Variants in ADCY5 observed in about 807,000 individuals in gnomAD.
ADCY5 encodes adenylate cyclase 5.
Under a neutral mutation model 119.7 loss-of-function variants are expected in ADCY5, and 30 were observed. That is an observed-to-expected ratio of 0.25 (90% CI 0.19 to 0.34). The LOEUF is 0.34. ADCY5 is among the 10% of genes least tolerant of loss of function. ADCY5 has a pLI of 1.00. For synonymous variants in ADCY5, 753 were observed against 762.2 expected (o/e 0.99, Z 0.20); for missense variants, 1,324 against 1,775.2 (o/e 0.75, Z 4.57).
chr3:123,332,292 G>A (rs760372355), intron 4 of ADCY5, among the ~76,000 whole-genome samples: 15 of 151,566 alleles, frequency 9.9e-5, no homozygotes, highest in African/African-American at 3.4e-4. Flanking sequence ...CGCTTCCAAG[G>A]ATGGGGGGCA....
At chr3:123,379,577 G>A (rs560590408) in intron 1 of ADCY5, among the ~76,000 whole-genome samples, 107 of 152,240 alleles carry the variant, frequency 7.0e-4, no homozygotes, top group African/African-American at 2.4e-3. Context: ...GCTGTGAAGT[G>A]CAGGGAGCAG....
chr3:123,428,684 T>A (rs142921678), intron 1 of ADCY5, among the ~76,000 whole-genome samples: 88 of 152,328 alleles, frequency 5.8e-4, no homozygotes, highest in African/African-American at 1.8e-3. Flanking sequence ...ATAACGTCAA[T>A]CTGTTCTCCC....
chr3:123,352,311 C>T lies in ADCY5; in HGVS notation c.1284+121G>A. 1.5e-6 allele frequency: 2 copies of T among 1,311,376 alleles called. No individual in the cohort carries two copies. The highest frequency in any genetic ancestry group is 2.0e-6 in the Non-Finnish European group (2 of 983,460). The allele number at this position is 1,311,376 out of a possible 1,614,324, so 81.2% of individuals were successfully genotyped here. On this transcript the variant is annotated intron_variant, in intron 2 of 20. Coordinates refer to ENST00000462833, the MANE Select transcript of ADCY5 (RefSeq NM_183357.3). The surrounding 1 kb of genome is among the most constrained non-coding windows in gnomAD (Gnocchi z 4.8). ...GAAACATTCCCCATGGGTTGGTCCC[C>T]TCCCGGGGAGTGGGGCTGGCAGCCG...
chr3:123,448,365 C>T lies in ADCY5; in HGVS notation c.181G>A (p.Val61Met). 6.7e-7 allele frequency: 1 copy of T among 1,495,884 alleles called. No individual in the cohort carries two copies. Among genetic ancestry groups the T allele is most frequent in the Non-Finnish European group, 8.8e-7 (1 of 1,133,820 alleles). 92.7% of individuals were successfully genotyped at this position (1,495,884 alleles called of 1,614,324 possible). ...RGSTKKPGGAVTPQQQQRLAS... is the reference protein window; with the variant it reads ...RGSTKKPGGAMTPQQQQRLAS... ...AGGCGCTGCTGCTGCTGCGGGGTCA[C>T]CGCCCCCCCGGGTTTCTTGGTGGAG... Residue 61 changes from valine to methionine, a missense_variant, in exon 1 of 21, where the codon GTG (valine) becomes ATG (methionine). By Grantham distance (21) the Val-to-Met change is conservative. Transcript: ENST00000462833.
chr3:123,319,033 C>T (rs148694374), intron 10 of ADCY5, among the ~76,000 whole-genome samples: 241 of 152,312 alleles, frequency 1.6e-3, no homozygotes, highest in Non-Finnish European at 2.1e-3. Flanking sequence ...ATGCACCGAA[C>T]GCCTACTATG....
intron 1 of ADCY5, among the ~76,000 whole-genome samples, chr3:123,401,425 G>T (rs1944749586): frequency 6.6e-6 from 1 of 152,168 alleles, no homozygotes. Flanking sequence ...AAAATGAGAG[G>T]GAAGGGCCAT....
At position 123,325,488 on chromosome 3, in the gene ADCY5, G is replaced by A. The variant is rs746253544; in HGVS notation, c.1948-26C>T. On this transcript the variant is annotated intron_variant, in intron 7 of 20. Transcript: ENST00000462833. Reference sequence around the variant, plus strand: ...CTGGAAGACGAACACAGAGATGGGGGGAGATGAGGAGTCCAAGCGGAGGGC... The same window carrying A: ...CTGGAAGACGAACACAGAGATGGGGAGAGATGAGGAGTCCAAGCGGAGGGC... 2.0e-5 allele frequency: 32 copies of A among 1,610,818 alleles called. No homozygotes were observed. In the African/African-American group the frequency reaches 2.8e-4, roughly 14 times the overall value.
chr3:123,352,392 C>G lies in ADCY5; in HGVS notation c.1284+40G>C. ...CTCAGCTGAGGTACATCTCAGGGCT[C>G]GACTCCGTCCCACTGTGCAAGGGCA... On this transcript the variant is annotated intron_variant, in intron 2 of 20. Transcript: ENST00000462833. This position sits in a 1 kb window ranked among gnomAD's most constrained non-coding sequence, Gnocchi z 4.8. 2 of 1,576,536 alleles carry G rather than the reference C, an allele frequency of 1.3e-6. No homozygotes were observed. The highest frequency in any genetic ancestry group is 1.7e-6 in the Non-Finnish European group (2 of 1,161,848).
At chr3:123,319,006 T>C (rs1176192739) in intron 10 of ADCY5, among the ~76,000 whole-genome samples, 2 of 152,174 alleles carry the variant, frequency 1.3e-5, no homozygotes, top group African/African-American at 4.8e-5. Context: ...ATAACAATAA[T>C]GCAAATAGCA....
rs112804820 is a variant in ADCY5 at position 123,318,417 on chromosome 3, C to T, written c.2257-300G>A. Among the ~76,000 whole-genome samples, 619 of 152,260 alleles carry T rather than the reference C, an allele frequency of 4.1e-3. 2 individuals are homozygous for T. Among genetic ancestry groups the T allele is most frequent in the African/African-American group, 0.014 (573 of 41,544 alleles). On this transcript the variant is annotated intron_variant, in intron 10 of 20. Transcript: ENST00000462833. ...TGTACATGACTGCATGCCATCTACA[C>T]GCTAGGAAACATGCCAGGTGTCTAC...
In ADCY5 at chr3:123,286,535, C is replaced by T. The variant is rs542082529; in HGVS notation, c.3657+150G>A. 1 of 1,148,330 alleles carries T rather than the reference C, an allele frequency of 8.7e-7. No homozygotes were observed. The highest frequency in any genetic ancestry group is 2.5e-5 in the Admixed American group (1 of 39,516). 71.1% of individuals were successfully genotyped at this position (1,148,330 alleles called of 1,614,324 possible). ...AAACACAATTGTGTTCTCCAAGCTT[C>T]CAAGACATCAGCGTCAACAGCCCCA... is the stretch of plus-strand genomic sequence containing the variant. On this transcript the variant is annotated intron_variant, in intron 20 of 20. Transcript: ENST00000462833. The surrounding 1 kb of genome is among the most constrained non-coding windows in gnomAD (Gnocchi z 4.2).
chr3:123,304,121 G>T lies in ADCY5; in HGVS notation c.2505C>A (p.Thr835=), dbSNP rs751695054. The change falls in exon 13 of 21, where the codon ACC becomes ACA. Residue 835 remains threonine, a synonymous_variant. Coordinates refer to ENST00000462833, the MANE Select transcript of ADCY5 (RefSeq NM_183357.3). The part of the protein sequence containing the change: ...RKIVRSKMNS[T]LVGVFTITLV... ...GGGTGATGGTGAACACCCCAACCAGGGTGCTGTTCATCTTGGACCGCACGA... is the reference window on the plus strand; with the variant it reads ...GGGTGATGGTGAACACCCCAACCAGTGTGCTGTTCATCTTGGACCGCACGA... 13 of 1,613,744 alleles carry T rather than the reference G, an allele frequency of 8.1e-6. No individual in the cohort carries two copies. The highest frequency in any genetic ancestry group is 1.3e-5 in the African/African-American group (1 of 74,818).
At chr3:123,372,551 G>A (rs1017464692) in intron 1 of ADCY5, among the ~76,000 whole-genome samples, 3 of 152,156 alleles carry the variant, frequency 2.0e-5, no homozygotes, top group African/African-American at 7.2e-5. Context: ...TTAAGCCCAC[G>A]ACACCAGATG....
At chr3:123,346,607 T>TTTTC (rs1553731594) in intron 3 of ADCY5, among the ~76,000 whole-genome samples, 1 of 128,072 alleles carries the variant, frequency 7.8e-6, no homozygotes, top group African/African-American at 2.6e-5. Context: ...CAGCCTCACC[T>TTTTC]TCTCTCTCTC....
At chr3:123,424,710 C>G (rs1325351597) in intron 1 of ADCY5, among the ~76,000 whole-genome samples, 3 of 152,156 alleles carry the variant, frequency 2.0e-5, no homozygotes, top group Non-Finnish European at 2.9e-5. Flanking sequence ...TTCAGCCTGG[C>G]CAGTACACAC....
chr3:123,429,763 C>T (rs989869264), intron 1 of ADCY5, among the ~76,000 whole-genome samples: 7 of 152,148 alleles, frequency 4.6e-5, no homozygotes, highest in Non-Finnish European at 5.9e-5. Context: ...GTGGCATATC[C>T]CACCTGTGTG....
At chr3:123,384,158 G>C (rs1057313404) in intron 1 of ADCY5, among the ~76,000 whole-genome samples, 14 of 152,198 alleles carry the variant, frequency 9.2e-5, no homozygotes, top group Admixed American at 6.5e-5. Flanking sequence ...TAAGATTCCT[G>C]AGTCAGAGGG....
At chr3:123,318,836 A>G (rs1941062506) in intron 10 of ADCY5, among the ~76,000 whole-genome samples, 1 of 152,112 alleles carries the variant, frequency 6.6e-6, no homozygotes, top group Non-Finnish European at 1.5e-5. Context: ...TCACTACTTC[A>G]CTGGGGGGCC....
chr3:123,314,423 CA>C (rs1940782360), intron 11 of ADCY5, 101 bp from the exon 12 acceptor site: 1 of 862,086 alleles, frequency 1.2e-6, no homozygotes, highest in South Asian at 1.7e-5. Context: ...CCCCCGTGCC[CA>C]TCCTCACAGC....
Sources: gnomAD v4.1 joint callset for allele counts (sites outside exome capture counted in the v4.1 genomes callset) on GRCh38, gnomAD v4.1.1 for gene constraint, Gnocchi (gnomAD v3.1) non-coding constraint, MANE v1.5 for transcripts, NCBI Gene and HGNC (gene_info 2026-07-23, HGNC 2026-07-21) for gene names.